Variants in RALGAPA2 observed in about 807,000 individuals in gnomAD.
The protein encoded by RALGAPA2 is Ral GTPase activating protein catalytic subunit alpha 2.
Under a neutral mutation model 230.4 loss-of-function variants are expected in RALGAPA2, and 139 were observed. That is an observed-to-expected ratio of 0.60 (90% CI 0.53 to 0.69). The LOEUF (loss-of-function observed/expected upper bound fraction) is 0.69, where lower values mean the gene tolerates loss of function less well. Among genes scored for constraint, RALGAPA2 ranks in the 30% least tolerant of loss-of-function variants. The pLI, the probability that RALGAPA2 is intolerant of heterozygous loss-of-function variation, is 0.00. For synonymous variants in RALGAPA2, 847 were observed against 837.8 expected (o/e 1.01, Z -0.19); for missense variants, 2,163 against 2,276.0 (o/e 0.95, Z 1.01).
intron 1 of RALGAPA2, among the ~76,000 whole-genome samples, chr20:20,684,225 G>A (rs948422895): frequency 1.3e-5 from 2 of 151,996 alleles, no homozygotes; most frequent in African/African-American, 4.8e-5. Context: ...CTCTCTCTTG[G>A]TAGGCTCTGC....
At chr20:20,409,167 A>C (rs1384873396) in intron 38 of RALGAPA2, among the ~76,000 whole-genome samples, 1 of 152,162 alleles carries the variant, frequency 6.6e-6, no homozygotes, top group Non-Finnish European at 1.5e-5. Flanking sequence ...GGAGAGTCAG[A>C]AGCAGAGGGC....
intron 1 of RALGAPA2, among the ~76,000 whole-genome samples, chr20:20,686,365 G>A (rs1438219743): frequency 6.6e-6 from 1 of 152,082 alleles, no homozygotes; most frequent in African/African-American, 2.4e-5. Context: ...GGCCAACATG[G>A]TGAAATCCCA....
chr20:20,601,779 G>T lies in RALGAPA2; in HGVS notation c.2106C>A (p.His702Gln), dbSNP rs200446815. Reference sequence around the variant, plus strand: ...ATCGCATCGGTTCGGTCACATCTGGGTGGCTCCGCCAGCTGAGAGAAAAGG... The same window carrying T: ...ATCGCATCGGTTCGGTCACATCTGGTTGGCTCCGCCAGCTGAGAGAAAAGG... ...GRSFSLSWRS[H>Q]PDVTEPMRFR... The change falls in exon 16 of 40, where the codon CAC becomes CAA. Residue 702 changes from histidine (H) to glutamine (Q), a missense_variant. By Grantham distance (24) the His-to-Gln change is conservative. Coordinates refer to ENST00000202677, the MANE Select transcript of RALGAPA2 (RefSeq NM_020343.4). 8 of 1,613,512 alleles carry T rather than the reference G, an allele frequency of 5.0e-6. No individual in the cohort carries two copies. The African/African-American group carries it at 9.3e-5, about 19-fold the overall frequency.
intron 13 of RALGAPA2, among the ~76,000 whole-genome samples, chr20:20,612,426 G>T (rs1025040165): frequency 2.6e-5 from 4 of 152,202 alleles, no homozygotes; most frequent in African/African-American, 9.6e-5. Context: ...AATCAGATGA[G>T]ATCTCTAAAT....
chr20:20,622,353 A>C (rs1239298799), intron 10 of RALGAPA2, among the ~76,000 whole-genome samples: 1 of 152,178 alleles, frequency 6.6e-6, no homozygotes, highest in Non-Finnish European at 1.5e-5. Flanking sequence ...GAAATATATC[A>C]ATCCTTAGAT....
chr20:20,441,764 T>C (rs751116325), intron 37 of RALGAPA2, among the ~76,000 whole-genome samples: 2 of 152,220 alleles, frequency 1.3e-5, no homozygotes, highest in Non-Finnish European at 2.9e-5. Context: ...ACTGCTGTCC[T>C]AGGGATGTAG....
chr20:20,498,909 C>G (rs1023249050), intron 35 of RALGAPA2, among the ~76,000 whole-genome samples: 4 of 152,202 alleles, frequency 2.6e-5, no homozygotes, highest in African/African-American at 7.2e-5. Context: ...ACCCCTACAG[C>G]AGTTAGATTA....
chr20:20,603,454 G>A (rs1191323872), intron 15 of RALGAPA2, among the ~76,000 whole-genome samples: 2 of 152,148 alleles, frequency 1.3e-5, no homozygotes, highest in Non-Finnish European at 2.9e-5. Context: ...GTTCTCTCCT[G>A]TAATGACATT....
At chr20:20,605,025 A>G in intron 15 of RALGAPA2, 150 bp downstream of exon 15, 1 of 658,252 alleles carries the variant, frequency 1.5e-6, no homozygotes, top group Admixed American at 2.7e-5. Flanking sequence ...ACAGAATGAT[A>G]TGAGACACAA....
intron 37 of RALGAPA2, among the ~76,000 whole-genome samples, chr20:20,462,130 C>T (rs2123290383): frequency 6.6e-6 from 1 of 152,218 alleles, no homozygotes; most frequent in South Asian, 2.1e-4. Context: ...AAATCATAAG[C>T]CACTAAACAT....
At chr20:20,547,138 T>C (rs935950145) in intron 23 of RALGAPA2, among the ~76,000 whole-genome samples, 1 of 152,196 alleles carries the variant, frequency 6.6e-6, no homozygotes, top group African/African-American at 2.4e-5. Flanking sequence ...ACAGGAGTAA[T>C]GAGGTAAATA....
rs186377481 is a variant in RALGAPA2 at position 20,610,124 on chromosome 20, T to C, written c.1800+1191A>G. Among the ~76,000 whole-genome samples, 59 of 152,286 alleles carry C rather than the reference T, an allele frequency of 3.9e-4. No homozygotes were observed. In the East Asian group the frequency reaches 8.5e-3, roughly 22 times the overall value. On this transcript the variant is annotated intron_variant, in intron 14 of 39. Coordinates refer to ENST00000202677, the MANE Select transcript of RALGAPA2 (RefSeq NM_020343.4). ...TATTCTAGATATGCTTTTTAACATA[T>C]ATCCTCCAAAACCACCTTCAGGTCA...
chr20:20,692,252 T>C (rs2068940254), intron 1 of RALGAPA2, among the ~76,000 whole-genome samples: 1 of 152,232 alleles, frequency 6.6e-6, no homozygotes, highest in Non-Finnish European at 1.5e-5. Flanking sequence ...TACATACAAT[T>C]ACAGCCATGT....
chr20:20,421,956 G>A (rs1048362001), intron 37 of RALGAPA2, among the ~76,000 whole-genome samples: 3 of 152,136 alleles, frequency 2.0e-5, no homozygotes, highest in African/African-American at 7.2e-5. Flanking sequence ...GCCATAAAAA[G>A]GAATGAAGTA....
At chr20:20,581,711 G>A (rs2064988886) in intron 20 of RALGAPA2, among the ~76,000 whole-genome samples, 1 of 151,938 alleles carries the variant, frequency 6.6e-6, no homozygotes. Flanking sequence ...GAATTTTACT[G>A]AATACCACCT....
chr20:20,685,822 T>C (rs2068679228), intron 1 of RALGAPA2, among the ~76,000 whole-genome samples: 1 of 151,772 alleles, frequency 6.6e-6, no homozygotes, highest in Non-Finnish European at 1.5e-5. Flanking sequence ...CGCTCCAGAG[T>C]CCAGATGGGA....
chr20:20,583,614 C>A (rs1198822063), intron 19 of RALGAPA2, among the ~76,000 whole-genome samples: 13 of 152,278 alleles, frequency 8.5e-5, no homozygotes. Flanking sequence ...GTTTACTCTA[C>A]CGGGTAGAAG....
At chr20:20,690,497 A>T (rs73298808) in intron 1 of RALGAPA2, among the ~76,000 whole-genome samples, 1,685 of 152,144 alleles carry the variant, frequency 0.011, 29 homozygotes, top group African/African-American at 0.039. Flanking sequence ...TTCCCACATG[A>T]TCTTCATCTC....
Position 20,458,865 on chromosome 20 carries a change from TATATATATATAC to T in RALGAPA2, c.5495+13952_5495+13963del, listed in dbSNP as rs1569418292. Among the ~76,000 whole-genome samples the T allele has an allele frequency of 5.8e-5, 8 of 138,256 alleles. No homozygotes were observed. The East Asian group carries it at 1.1e-3, about 19-fold the overall frequency. 90.7% of individuals were successfully genotyped at this position (138,256 alleles called of 152,430 possible). On this transcript the variant is annotated intron_variant, in intron 37 of 39. Coordinates refer to ENST00000202677, the MANE Select transcript of RALGAPA2 (RefSeq NM_020343.4). ...CTATATATATATAGACCTATATATA[TATATATATATAC>T]ACACACACAAATAAATAAAATATAT...
Sources: gnomAD v4.1 joint callset for allele counts (sites outside exome capture counted in the v4.1 genomes callset) on GRCh38, gnomAD v4.1.1 for gene constraint, MANE v1.5 for transcripts, NCBI Gene and HGNC (gene_info 2026-07-23, HGNC 2026-07-21) for gene names.